Variants in TDRD9 observed in about 807,000 individuals in gnomAD.
TDRD9 encodes ATP-dependent RNA helicase TDRD9.
Under a neutral mutation model 172.6 loss-of-function variants are expected in TDRD9, and 124 were observed. The observed-to-expected ratio is 0.72, with a 90% CI of 0.62 to 0.83. The LOEUF (loss-of-function observed/expected upper bound fraction) is 0.83, where lower values mean the gene tolerates loss of function less well. Ranked by LOEUF, TDRD9 falls within the 40% of genes least tolerant of loss-of-function variation. The probability of loss-of-function intolerance (pLI) is 0.00; values close to 1 mark genes in which losing one functional copy is unlikely to be tolerated. For synonymous variants in TDRD9, 619 were observed against 617.1 expected, an observed-to-expected ratio of 1.00 and a Z score of -0.05; for missense variants, 1,479 against 1,714.1, an observed-to-expected ratio of 0.86 and a Z score of 2.42.
intron 1 of TDRD9, among the ~76,000 whole-genome samples, chr14:103,946,161 T>A (rs2031548549): frequency 6.6e-6 from 1 of 151,992 alleles, no homozygotes; most frequent in Non-Finnish European, 1.5e-5. Context: ...AGACTGGGTC[T>A]CACTCACCAT....
rs531320478 is a variant in TDRD9 at position 103,997,969 on chromosome 14, G to A, written c.1379-655G>A. Reference sequence around the variant, plus strand: ...TCCACAGGTGCTTTGCTGTAGGGGAGCAGAGGAAATGGGGCAGTAAGTGAA... The same window carrying A: ...TCCACAGGTGCTTTGCTGTAGGGGAACAGAGGAAATGGGGCAGTAAGTGAA... On this transcript the variant is annotated intron_variant, in intron 12 of 35. Coordinates refer to ENST00000409874, the MANE Select transcript of TDRD9 (RefSeq NM_153046.3). This position sits in a 1 kb window ranked among gnomAD's most constrained non-coding sequence, Gnocchi z 5.1. 2.0e-5 allele frequency among the ~76,000 whole-genome samples: 3 copies of A among 152,244 alleles called. No individual in the cohort carries two copies. The South Asian group carries it at 6.2e-4, about 32-fold the overall frequency.
intron 15 of TDRD9, 136 bp from the exon 16 acceptor site, chr14:104,006,253 C>A (rs932698984): frequency 7.5e-5 from 51 of 682,876 alleles, no homozygotes; most frequent in Non-Finnish European, 1.1e-4. Context: ...GGTAACATAT[C>A]AACCTTTCAT....
chr14:103,944,358 T>G (rs745972010), intron 1 of TDRD9, among the ~76,000 whole-genome samples: 3 of 152,210 alleles, frequency 2.0e-5, no homozygotes, highest in Non-Finnish European at 4.4e-5. Flanking sequence ...AAAAGCTGCT[T>G]CTTTGTGTTT....
chr14:104,040,104 T>A, intron 32 of TDRD9, 92 bp from the exon 33 acceptor site: 2 of 1,215,008 alleles, frequency 1.6e-6, no homozygotes, highest in Non-Finnish European at 2.1e-6. Context: ...CTGGCAGAAT[T>A]TAGGATAATT....
chr14:103,985,950 C>T (rs939549369), intron 7 of TDRD9, among the ~76,000 whole-genome samples: 3 of 152,170 alleles, frequency 2.0e-5, no homozygotes. Flanking sequence ...AACACACTGC[C>T]TGTGCATGTC....
intron 1 of TDRD9, chr14:103,939,748 T>TG (rs1566724711): frequency 1.1e-4 from 11 of 101,884 alleles, no homozygotes; most frequent in African/African-American, 3.8e-4. Flanking sequence ...AAAGTGTTTT[T>TG]TTTTTTTTTT....
chr14:103,953,694 G>T (rs778896860), intron 1 of TDRD9, among the ~76,000 whole-genome samples: 48 of 152,156 alleles, frequency 3.2e-4, no homozygotes, highest in Non-Finnish European at 6.6e-4. Flanking sequence ...TGAGAACCTG[G>T]GATGGGAGAT....
chr14:104,025,712 C>T lies in TDRD9; in HGVS notation c.2867C>T (p.Ala956Val), dbSNP rs896952273. The T allele has an allele frequency of 3.1e-6, 5 of 1,613,892 alleles. No individual in the cohort carries two copies. The East Asian group carries it at 1.1e-4, about 36-fold the overall frequency. ...HPDLVCLAPFADFDKQRYFRA... is the reference protein window; with the variant it reads ...HPDLVCLAPFVDFDKQRYFRA... ...GACTTGGTCTGTCTGGCACCTTTTG[C>T]TGATTTTGATAAACAACGCTACTTT... The change falls in exon 26 of 36, where the codon GCT becomes GTT. Residue 956 changes from alanine to valine, a missense_variant. Coordinates refer to ENST00000409874, the MANE Select transcript of TDRD9 (RefSeq NM_153046.3).
chr14:103,934,707 G>A (rs1323299998), intron 1 of TDRD9, among the ~76,000 whole-genome samples: 3 of 152,190 alleles, frequency 2.0e-5, no homozygotes, highest in South Asian at 2.1e-4. Flanking sequence ...GTGTGAACCC[G>A]GCAGGCGGAG....
chr14:104,041,938 C>T, intron 33 of TDRD9, 131 bp from the exon 34 acceptor site: 1 of 603,836 alleles, frequency 1.7e-6, no homozygotes, highest in South Asian at 2.7e-5. Flanking sequence ...GTCAAGATGC[C>T]TTCAGCAGGC....
intron 21 of TDRD9, 87 bp downstream of exon 21, chr14:104,014,928 C>T: frequency 1.3e-6 from 1 of 747,848 alleles, no homozygotes; most frequent in South Asian, 1.8e-5. Context: ...TTCCTGCTTT[C>T]TGATACAAAC....
chr14:103,964,982 C>T (rs537029793), intron 3 of TDRD9, among the ~76,000 whole-genome samples: 114 of 152,058 alleles, frequency 7.5e-4, no homozygotes, highest in African/African-American at 2.6e-3. Context: ...CTGAGGCAGG[C>T]GGATCACTTG....
intron 24 of TDRD9, among the ~76,000 whole-genome samples, chr14:104,023,053 G>T (rs2152241369): frequency 6.6e-6 from 1 of 151,704 alleles, no homozygotes; most frequent in East Asian, 2.0e-4. Flanking sequence ...GTGGTGGCGG[G>T]CACCTATAAT....
intron 22 of TDRD9, among the ~76,000 whole-genome samples, chr14:104,016,674 C>G (rs1328450415): frequency 3.3e-5 from 5 of 152,186 alleles, no homozygotes; most frequent in African/African-American, 1.2e-4. Flanking sequence ...GCGTTTGCAA[C>G]CCAGTTGTTT....
rs2034145204 is a variant in TDRD9, at chr14:103,998,688, A to G, written c.1443A>G (p.Arg481=). The change falls in exon 13 of 36, where the codon CGA becomes CGG. Residue 481 remains arginine (R), a synonymous_variant. Transcript: ENST00000409874. ...CDEDTNYQSL[R]LSWASKTSCN... ...AAGATACAAATTATCAGAGTCTGCG[A>G]TTGAGTTGGGCTTCTAAAACCAGCT... 1.2e-6 allele frequency: 2 copies of G among 1,611,116 alleles called. No individual in the cohort carries two copies. Among genetic ancestry groups the G allele is most frequent in the Non-Finnish European group, 1.7e-6 (2 of 1,177,488 alleles).
chr14:103,994,254 C>A (rs967269959), intron 9 of TDRD9, 78 bp from the exon 10 acceptor site: 22 of 1,243,854 alleles, frequency 1.8e-5, no homozygotes, highest in African/African-American at 3.0e-5. Context: ...GAAAGATATG[C>A]CATTTTAATT....
chr14:103,941,845 A>G (rs76103691), intron 1 of TDRD9: 6,372 of 626,312 alleles, frequency 0.01, 61 homozygotes, highest in Middle Eastern at 0.023. Flanking sequence ...AGATTAGAAC[A>G]TGGATTAACG....
intron 29 of TDRD9, 24 bp from the exon 30 acceptor site, chr14:104,031,992 CA>C: frequency 1.3e-6 from 2 of 1,496,842 alleles, no homozygotes; most frequent in Non-Finnish European, 1.8e-6. Flanking sequence ...TTATTGGTAA[CA>C]CTTCCTATAT....
At chr14:104,011,909 A>G (rs1440874249) in intron 20 of TDRD9, among the ~76,000 whole-genome samples, 1 of 152,192 alleles carries the variant, frequency 6.6e-6, no homozygotes, top group African/African-American at 2.4e-5. Flanking sequence ...AAAATCAGCA[A>G]AGGTTAAAAA....
Sources: gnomAD v4.1 joint callset for allele counts (sites outside exome capture counted in the v4.1 genomes callset) on GRCh38, gnomAD v4.1.1 for gene constraint, Gnocchi (gnomAD v3.1) non-coding constraint, MANE v1.5 for transcripts, NCBI Gene and HGNC (gene_info 2026-07-23, HGNC 2026-07-21) for gene names.